Variants in MALT1 observed in about 807,000 individuals in gnomAD.
MALT1 encodes mucosa-associated lymphoid tissue lymphoma translocation protein 1.
MALT1 carries 36 observed loss-of-function variants against 85.5 expected under a neutral mutation model. The observed-to-expected ratio is 0.42, with a 90% confidence interval of 0.32 to 0.56. The LOEUF is 0.56. Among genes scored for constraint, MALT1 ranks in the 20% least tolerant of loss-of-function variants. The probability of loss-of-function intolerance (pLI) is 0.10; values close to 1 mark genes in which losing one functional copy is unlikely to be tolerated. For missense variants in MALT1, 716 were observed against 981.6 expected, an observed-to-expected ratio of 0.73 and a Z score of 3.62; for synonymous variants, 359 against 361.3, an observed-to-expected ratio of 0.99 and a Z score of 0.07.
chr18:58,705,702 A>G (rs570160531), intron 4 of MALT1, among the ~76,000 whole-genome samples: 1 of 151,130 alleles, frequency 6.6e-6, no homozygotes, highest in African/African-American at 2.4e-5. Context: ...TATGTGCCAC[A>G]TTTTCTTAAT....
intron 2 of MALT1, among the ~76,000 whole-genome samples, chr18:58,684,009 G>A (rs992877186): frequency 2.0e-5 from 3 of 152,156 alleles, no homozygotes; most frequent in African/African-American, 7.2e-5. Flanking sequence ...TCGGCTCACT[G>A]CAACTTCTGC....
rs767415741 is a variant in MALT1 at position 58,742,139 on chromosome 18, C to T, written c.1753+125C>T. ...AAATATTTTGGCCTACTAGGCAAAT[C>T]TCAAACCAAACAAATATTTCAATTA... On this transcript the variant is annotated intron_variant, in intron 14 of 16. Coordinates refer to ENST00000649217, the MANE Select transcript of MALT1 (RefSeq NM_006785.4). 1.6e-5 allele frequency: 9 copies of T among 569,818 alleles called. No homozygotes were observed. In the African/African-American group the frequency reaches 1.7e-4, roughly 11 times the overall value. 35.3% of individuals were successfully genotyped at this position (569,818 alleles called of 1,614,324 possible). A position where few individuals can be genotyped will look rare whatever the true frequency, so the allele number is the denominator to read the frequency against.
intron 12 of MALT1, chr18:58,734,614 A>G (rs371955019): frequency 6.0e-5 from 28 of 465,328 alleles, no homozygotes; most frequent in East Asian, 4.2e-4. Flanking sequence ...ATTATAGATT[A>G]GAGGCCTAGA....
At chr18:58,736,056 G>A (rs1347682211) in intron 13 of MALT1, among the ~76,000 whole-genome samples, 1 of 152,102 alleles carries the variant, frequency 6.6e-6, no homozygotes, top group Non-Finnish European at 1.5e-5. Flanking sequence ...GGGAAGCTGA[G>A]GCAGGAGGAT....
rs746125829 is a variant in MALT1, at chr18:58,749,128, T to TA, written c.*1287dup. On this transcript the variant is annotated 3_prime_UTR_variant, in exon 17 of 17. Coordinates refer to ENST00000649217, the MANE Select transcript of MALT1 (RefSeq NM_006785.4). ...AACATCTAAAAATCAAATAAGCTAATATACAGTCAGTTCTCATTATTCACA... is the reference window on the plus strand; with the variant it reads ...AACATCTAAAAATCAAATAAGCTAATAATACAGTCAGTTCTCATTATTCACA... The TA allele has an allele frequency of 4.6e-6, 1 of 218,060 alleles. No individual in the cohort carries two copies. Among genetic ancestry groups the TA allele is most frequent in the Non-Finnish European group, 9.2e-6 (1 of 108,614 alleles). 13.5% of individuals were successfully genotyped at this position (218,060 alleles called of 1,614,324 possible).
chr18:58,690,094 C>T lies in MALT1; in HGVS notation c.377-6272C>T, dbSNP rs868483941. 1.1e-4 allele frequency among the ~76,000 whole-genome samples: 17 copies of T among 152,334 alleles called. No homozygotes were observed. The Middle Eastern group carries it at 0.01, about 91-fold the overall frequency. ...TCACTTTCTGCAAGTTGAAAGCTTG[C>T]GGCACCCATGTGTCTAGCAAGTCTG... On this transcript the variant is annotated intron_variant, in intron 2 of 16. Coordinates refer to ENST00000649217, the MANE Select transcript of MALT1 (RefSeq NM_006785.4).
chr18:58,709,016 A>C (rs761631440), intron 4 of MALT1, among the ~76,000 whole-genome samples: 1 of 152,238 alleles, frequency 6.6e-6, no homozygotes, highest in East Asian at 1.9e-4. Flanking sequence ...ATCGTTCAAG[A>C]TGTTAATAAG....
At chr18:58,701,617 T>C (rs1383070092) in intron 4 of MALT1, among the ~76,000 whole-genome samples, 1 of 152,202 alleles carries the variant, frequency 6.6e-6, no homozygotes, top group East Asian at 1.9e-4. Flanking sequence ...AGGCACAGCC[T>C]TGGGCTTCGA....
At chr18:58,743,146 G>A (rs1223414498) in intron 14 of MALT1, among the ~76,000 whole-genome samples, 1 of 152,068 alleles carries the variant, frequency 6.6e-6, no homozygotes, top group Admixed American at 6.6e-5. Context: ...AGGCCAAGGT[G>A]GGTAGATCAC....
chr18:58,744,675 TTA>T (rs1251447928), intron 15 of MALT1, among the ~76,000 whole-genome samples, 180 bp downstream of exon 15: 2 of 152,106 alleles, frequency 1.3e-5, no homozygotes, highest in Admixed American at 6.6e-5. Context: ...TACCTTAAGT[TTA>T]TGAGATTTAG....
chr18:58,745,182 C>T (rs557811613), intron 15 of MALT1, among the ~76,000 whole-genome samples: 4 of 152,168 alleles, frequency 2.6e-5, no homozygotes, highest in Non-Finnish European at 1.5e-5. Flanking sequence ...AGCTGGGGGC[C>T]TGTGGGCTTC....
intron 2 of MALT1, chr18:58,691,959 G>A (rs973697587): frequency 4.7e-5 from 7 of 147,980 alleles, no homozygotes; most frequent in African/African-American, 1.7e-4. Context: ...CAGGAGAATT[G>A]CTTGAACCTG....
intron 12 of MALT1, 26 bp downstream of exon 12, chr18:58,734,407 A>T: frequency 6.3e-7 from 1 of 1,581,530 alleles, no homozygotes; most frequent in Non-Finnish European, 8.7e-7. Flanking sequence ...GTTTACGTTG[A>T]AGTTTCCTTT....
At chr18:58,700,724 T>C (rs2054659678) in intron 4 of MALT1, 133 bp downstream of exon 4, 1 of 670,558 alleles carries the variant, frequency 1.5e-6, no homozygotes, top group Non-Finnish European at 2.3e-6. Flanking sequence ...TCATCCATTA[T>C]AATGTCAACC....
At chr18:58,702,517 G>A (rs915275462) in intron 4 of MALT1, among the ~76,000 whole-genome samples, 18 of 152,312 alleles carry the variant, frequency 1.2e-4, no homozygotes, top group Non-Finnish European at 1.6e-4. Flanking sequence ...TAGCATTTGA[G>A]ACCTGATAGT....
At chr18:58,677,862 T>C (rs1238701104) in intron 1 of MALT1, among the ~76,000 whole-genome samples, 1 of 152,158 alleles carries the variant, frequency 6.6e-6, no homozygotes, top group Non-Finnish European at 1.5e-5. Flanking sequence ...CTAGTAAATA[T>C]AGTGATCACA....
chr18:58,688,484 TCCAGGCAACATATGAGGCCAAC>T (rs2054441216), intron 2 of MALT1, among the ~76,000 whole-genome samples: 1 of 131,174 alleles, frequency 7.6e-6, no homozygotes, highest in African/African-American at 3.0e-5. Context: ...GGCCAGCAGT[TCCAGGCAACATATGAGGCCAAC>T]CTGGGCAACA....
chr18:58,704,929 G>GT (rs1472107252), intron 4 of MALT1, among the ~76,000 whole-genome samples: 1 of 151,848 alleles, frequency 6.6e-6, no homozygotes, highest in African/African-American at 2.4e-5. Context: ...ATGTGATTAT[G>GT]TTTAAGTCTG....
Position 58,714,115 on chromosome 18 carries a change from T to C in MALT1, c.985+6T>C. 7.9e-7 allele frequency: 1 copy of C among 1,258,286 alleles called. No individual in the cohort carries two copies. The highest frequency in any genetic ancestry group is 1.1e-6 in the Non-Finnish European group (1 of 879,756). 77.9% of individuals were successfully genotyped at this position (1,258,286 alleles called of 1,614,324 possible). A position where few individuals can be genotyped will look rare whatever the true frequency, so the allele number is the denominator to read the frequency against. Reference sequence around the variant, plus strand: ...AAATAATCTTGGTCATCCTGGTGAGTAATACAAACATAAAACTTTAGTTTT... The same window carrying C: ...AAATAATCTTGGTCATCCTGGTGAGCAATACAAACATAAAACTTTAGTTTT... On this transcript the variant is annotated splice_donor_region_variant and intron_variant, in intron 8 of 16. Transcript: ENST00000649217.
Sources: allele counts gnomAD v4.1 joint callset (sites outside exome capture counted in the v4.1 genomes callset), GRCh38; gene constraint gnomAD v4.1.1; transcripts MANE v1.5; gene names NCBI Gene and HGNC (gene_info 2026-07-23, HGNC 2026-07-21).